The following CNTLN variants were observed in gnomAD, a reference collection of about 807,000 sequenced individuals.
The protein encoded by CNTLN is centlein, centrosomal protein.
CNTLN carries 212 observed loss-of-function variants against 180.0 expected under a neutral mutation model. The ratio of observed to expected loss-of-function variants is 1.18; its 90% CI spans 1.05 to 1.32. The LOEUF is 1.32. Among genes scored for constraint, CNTLN ranks in the 40% most tolerant of loss-of-function variants. CNTLN has a pLI of 0.00. For synonymous variants in CNTLN, 722 were observed against 563.1 expected (o/e 1.28, Z -3.99); for missense variants, 2,095 against 1,610.9 (o/e 1.30, Z -5.14).
At chr9:17,216,636 G>A (rs1308678033) in intron 2 of CNTLN, among the ~76,000 whole-genome samples, 3 of 152,032 alleles carry the variant, frequency 2.0e-5, no homozygotes, top group African/African-American at 7.2e-5. Flanking sequence ...TCAATTTTTA[G>A]AGTTAAAGTT....
chr9:17,323,304 T>C (rs1247830798), intron 8 of CNTLN, among the ~76,000 whole-genome samples: 1 of 152,186 alleles, frequency 6.6e-6, no homozygotes, highest in East Asian at 1.9e-4. Context: ...CGCTTCACAT[T>C]ACACAGATGT....
chr9:17,409,554 A>G, intron 16 of CNTLN, 81 bp downstream of exon 16: 1 of 1,038,716 alleles, frequency 9.6e-7, no homozygotes, highest in Non-Finnish European at 1.4e-6. Context: ...AATAAATGTT[A>G]CTACTGATTT....
chr9:17,135,121 G>T lies in CNTLN; in HGVS notation c.56G>T (p.Gly19Val), dbSNP rs778472808. Residue 19 changes from glycine to valine, a missense_variant, in exon 1 of 26, where the codon GGC (glycine) becomes GTC (valine). Coordinates refer to ENST00000380647, the MANE Select transcript of CNTLN (RefSeq NM_017738.4). ...PHPSPPARQL[G>V]PRSPRVGRGA... ...CCTTCGCCCCCAGCGCGACAGCTGG[G>T]CCCCAGGTCCCCACGTGTTGGGCGG... 1 of 1,606,608 alleles carries T rather than the reference G, an allele frequency of 6.2e-7. No individual in the cohort carries two copies. The highest frequency in any genetic ancestry group is 1.1e-5 in the South Asian group (1 of 89,592).
intron 2 of CNTLN, among the ~76,000 whole-genome samples, chr9:17,206,052 T>TAGCC (rs1278075382): frequency 6.6e-6 from 1 of 152,152 alleles, no homozygotes; most frequent in African/African-American, 2.4e-5. Context: ...ATCAACTGGG[T>TAGCC]AGCCACCACT....
chr9:17,305,184 G>A (rs1818624385), intron 7 of CNTLN, among the ~76,000 whole-genome samples: 1 of 152,066 alleles, frequency 6.6e-6, no homozygotes, highest in African/African-American at 2.4e-5. Flanking sequence ...TCTGTCCCCT[G>A]GAGATCCTTT....
chr9:17,310,078 A>G (rs1188146499), intron 8 of CNTLN, among the ~76,000 whole-genome samples: 1 of 152,096 alleles, frequency 6.6e-6, no homozygotes, highest in Non-Finnish European at 1.5e-5. Flanking sequence ...ATGACATACT[A>G]TTGTATGCAT....
intron 18 of CNTLN, among the ~76,000 whole-genome samples, chr9:17,439,313 G>A (rs572153240): frequency 1.3e-3 from 197 of 152,078 alleles, no homozygotes; most frequent in African/African-American, 4.5e-3. Flanking sequence ...ACATAACTAG[G>A]CCACAAAACA....
chr9:17,517,841 TG>T, the CNTLN span, among the ~76,000 whole-genome samples: 2 of 151,854 alleles, frequency 1.3e-5, no homozygotes, highest in African/African-American at 4.8e-5. Flanking sequence ...ATACAAAGGG[TG>T]GGGAGAACTA....
At chr9:17,192,920 G>C (rs1311207766) in intron 2 of CNTLN, among the ~76,000 whole-genome samples, 1 of 152,172 alleles carries the variant, frequency 6.6e-6, no homozygotes, top group Non-Finnish European at 1.5e-5. Flanking sequence ...TGGACTTACA[G>C]TTCCACATGG....
intron 10 of CNTLN, among the ~76,000 whole-genome samples, chr9:17,336,118 G>C (rs965312758): frequency 2.6e-5 from 4 of 152,060 alleles, no homozygotes; most frequent in Admixed American, 6.6e-5. Flanking sequence ...ACATTTTTCA[G>C]GTCATACACT....
intron 5 of CNTLN, among the ~76,000 whole-genome samples, chr9:17,244,077 T>G (rs1825657764): frequency 6.6e-6 from 1 of 152,180 alleles, no homozygotes; most frequent in South Asian, 2.1e-4. Flanking sequence ...TTTCTTTTTA[T>G]AGTTGTTGTC....
intron 7 of CNTLN, chr9:17,300,077 C>G (rs1818241311): frequency 6.6e-6 from 1 of 152,160 alleles, no homozygotes; most frequent in Non-Finnish European, 1.5e-5. Context: ...ACTGCAGGTT[C>G]AATATCCCTT....
At chr9:17,268,955 G>A (rs542414809) in intron 5 of CNTLN, among the ~76,000 whole-genome samples, 49 of 152,124 alleles carry the variant, frequency 3.2e-4, no homozygotes, top group South Asian at 1.3e-3. Context: ...TCTTTGACTA[G>A]GAAAGGGAAC....
At chr9:17,385,748 A>T (rs1825638625) in intron 13 of CNTLN, among the ~76,000 whole-genome samples, 1 of 152,238 alleles carries the variant, frequency 6.6e-6, no homozygotes, top group Non-Finnish European at 1.5e-5. Flanking sequence ...ATATTTACAT[A>T]GCATTTACAT....
intron 12 of CNTLN, among the ~76,000 whole-genome samples, chr9:17,353,013 T>C (rs1047146300): frequency 2.0e-5 from 3 of 152,370 alleles, no homozygotes; most frequent in Admixed American, 2.0e-4. Context: ...ATAGTGCTGC[T>C]ATGAACATTT....
At chr9:17,195,659 G>A (rs1382110172) in intron 2 of CNTLN, among the ~76,000 whole-genome samples, 1 of 152,140 alleles carries the variant, frequency 6.6e-6, no homozygotes, top group Non-Finnish European at 1.5e-5. Flanking sequence ...CCAGTAGCGT[G>A]CCTGGAGAGA....
At chr9:17,192,079 A>T (rs79615314) in intron 2 of CNTLN, among the ~76,000 whole-genome samples, 3,211 of 152,288 alleles carry the variant, frequency 0.021, 114 homozygotes, top group African/African-American at 0.073. Flanking sequence ...ATACTATCAT[A>T]AGTATACATT....
chr9:17,308,505 T>C (rs1244335758), intron 7 of CNTLN, among the ~76,000 whole-genome samples: 3 of 152,100 alleles, frequency 2.0e-5, no homozygotes, highest in Admixed American at 1.3e-4. Context: ...TCAACATTAA[T>C]TAACTGTTAA....
chr9:17,265,811 C>G (rs548731710), intron 5 of CNTLN, among the ~76,000 whole-genome samples: 6 of 152,254 alleles, frequency 3.9e-5, no homozygotes, highest in Admixed American at 2.6e-4. Flanking sequence ...TCTACATTTT[C>G]TGGTTTATTT....
Sources: allele counts gnomAD v4.1 joint callset (sites outside exome capture counted in the v4.1 genomes callset), GRCh38; gene constraint gnomAD v4.1.1; transcripts MANE v1.5; gene names NCBI Gene and HGNC (gene_info 2026-07-23, HGNC 2026-07-21).